CDCA7L: variants seen among roughly 807,000 people sequenced by gnomAD.
CDCA7L encodes the protein cell division cycle associated 7 like.
In CDCA7L, 44 loss-of-function variants were observed where a neutral mutation model predicts 57.4. The observed-to-expected ratio is 0.77, with a 90% confidence interval of 0.60 to 0.98. CDCA7L has a LOEUF of 0.98. Among genes scored for constraint, CDCA7L ranks in the 50% least tolerant of loss-of-function variants. CDCA7L has a pLI of 0.00. For synonymous variants in CDCA7L, 236 were observed against 202.8 expected (o/e 1.16, Z -1.39); for missense variants, 644 against 580.6 (o/e 1.11, Z -1.12).
At position 21,908,714 on chromosome 7, in the gene CDCA7L, G is replaced by A. The variant is rs1785218538; in HGVS notation, c.304-207C>T. ...ATCAGAGAGCAGGCAACCTACTACTGAACTGTGCACCATCATACCCGCGAC... is the reference window on the plus strand; with the variant it reads ...ATCAGAGAGCAGGCAACCTACTACTAAACTGTGCACCATCATACCCGCGAC... On this transcript the variant is annotated intron_variant, in intron 3 of 9. Transcript: ENST00000406877. Among the ~76,000 whole-genome samples the A allele has an allele frequency of 2.0e-5, 3 of 152,258 alleles. No individual in the cohort carries two copies. In the South Asian group the frequency reaches 6.2e-4, roughly 32 times the overall value.
intron 1 of CDCA7L, among the ~76,000 whole-genome samples, chr7:21,941,338 G>T (rs1786333519): frequency 6.6e-6 from 1 of 152,188 alleles, no homozygotes; most frequent in South Asian, 2.1e-4. Flanking sequence ...GCTAAGGAAA[G>T]CAGATTCCAA....
chr7:21,906,308 C>A lies in CDCA7L; in HGVS notation c.902G>T (p.Arg301Leu). 1 of 1,597,486 alleles carries A rather than the reference C, an allele frequency of 6.3e-7. No individual in the cohort carries two copies. Among genetic ancestry groups the A allele is most frequent in the Non-Finnish European group, 8.5e-7 (1 of 1,173,546 alleles). ...AAATACCCCAATTGTCTTCCTTCTTCGGAAGCTGTAAAACTCTTCCGCAAA... is the reference window on the plus strand; with the variant it reads ...AAATACCCCAATTGTCTTCCTTCTTAGGAAGCTGTAAAACTCTTCCGCAAA... ...AKFAEEFYSF[R>L]RRKTIGGKCR... Residue 301 changes from arginine (R) to leucine (L), a missense_variant, in exon 6 of 10, where the codon CGA becomes CTA. Coordinates refer to ENST00000406877, the MANE Select transcript of CDCA7L (RefSeq NM_018719.5).
chr7:21,932,919 T>C (rs146520267), intron 1 of CDCA7L, among the ~76,000 whole-genome samples: 1,810 of 151,174 alleles, frequency 0.012, 34 homozygotes, highest in African/African-American at 0.042. Flanking sequence ...AAAGGGCTAA[T>C]ATCCAGAATC....
chr7:21,922,790 A>C (rs1415141015), intron 1 of CDCA7L, among the ~76,000 whole-genome samples: 3 of 152,232 alleles, frequency 2.0e-5, no homozygotes, highest in Non-Finnish European at 2.9e-5. Context: ...ATAAATGGAT[A>C]AACAAAATGT....
chr7:21,907,130 A>G (rs1785167008), intron 4 of CDCA7L, among the ~76,000 whole-genome samples: 1 of 152,074 alleles, frequency 6.6e-6, no homozygotes, highest in Non-Finnish European at 1.5e-5. Context: ...AGATATTCCT[A>G]CGTGAACTAA....
chr7:21,909,058 G>A (rs941369817), intron 3 of CDCA7L, among the ~76,000 whole-genome samples: 3 of 152,172 alleles, frequency 2.0e-5, no homozygotes, highest in Non-Finnish European at 4.4e-5. Context: ...TCCCTTCTCT[G>A]GAACCCTCAG....
At chr7:21,916,958 T>G in intron 1 of CDCA7L, 64 bp from the exon 2 acceptor site, 7 of 1,584,798 alleles carry the variant, frequency 4.4e-6, no homozygotes, top group Non-Finnish European at 5.2e-6. Flanking sequence ...TAGGGACATT[T>G]TCTGGAGGGG....
chr7:21,911,525 T>C, intron 3 of CDCA7L, 92 bp downstream of exon 3: 1 of 1,421,426 alleles, frequency 7.0e-7, no homozygotes, highest in Non-Finnish European at 9.3e-7. Context: ...AAAAATCTTT[T>C]CACTTGTGAA....
At chr7:21,923,062 A>C (rs1034544677) in intron 1 of CDCA7L, among the ~76,000 whole-genome samples, 1 of 152,240 alleles carries the variant, frequency 6.6e-6, no homozygotes, top group African/African-American at 2.4e-5. Context: ...CAGCTTTCCA[A>C]GATGGAAAGA....
rs1760087659 is a variant in CDCA7L, at chr7:21,906,436, C to T, written c.774G>A (p.Arg258=). 2 of 1,610,384 alleles carry T rather than the reference C, an allele frequency of 1.2e-6. No homozygotes were observed. Among genetic ancestry groups the T allele is most frequent in the Non-Finnish European group, 1.7e-6 (2 of 1,177,884 alleles). ...GCGTGATCTGTCCCTCCGAGAAGGCCCGCCTCACTGTCTTCTTCCTCTGAA... is the reference window on the plus strand; with the variant it reads ...GCGTGATCTGTCCCTCCGAGAAGGCTCGCCTCACTGTCTTCTTCCTCTGAA... The part of the protein sequence containing the change: ...TSASRKKTVR[R]AFSEGQITRR... Residue 258 remains arginine (R), a synonymous_variant, in exon 6 of 10, where the codon CGG becomes CGA. Coordinates refer to ENST00000406877, the MANE Select transcript of CDCA7L (RefSeq NM_018719.5).
intron 4 of CDCA7L, 80 bp downstream of exon 4, chr7:21,908,050 G>A (rs980109229): frequency 1.4e-6 from 2 of 1,434,610 alleles, no homozygotes; most frequent in African/African-American, 2.9e-5. Context: ...GCAGCTGTAG[G>A]AGCAAAGTGG....
intron 1 of CDCA7L, among the ~76,000 whole-genome samples, chr7:21,928,597 A>T (rs1473918022): frequency 6.6e-6 from 1 of 152,056 alleles, no homozygotes; most frequent in East Asian, 1.9e-4. Flanking sequence ...ACCAGGTTAG[A>T]AAAGAACATA....
intron 1 of CDCA7L, among the ~76,000 whole-genome samples, chr7:21,918,563 G>A (rs185905015): frequency 9.9e-5 from 15 of 152,280 alleles, no homozygotes; most frequent in Non-Finnish European, 1.9e-4. Flanking sequence ...TGGGTCACTT[G>A]ACTGTGGAGT....
chr7:21,942,787 G>A (rs989063855), intron 1 of CDCA7L, among the ~76,000 whole-genome samples: 1 of 152,166 alleles, frequency 6.6e-6, no homozygotes, highest in Non-Finnish European at 1.5e-5. Flanking sequence ...CAACCAAGGA[G>A]CGTTTTAAAT....
At chr7:21,939,526 G>A (rs7807075) in intron 1 of CDCA7L, among the ~76,000 whole-genome samples, 86,986 of 152,032 alleles carry the variant, frequency 0.57, 25,407 homozygotes, top group Admixed American at 0.66. Flanking sequence ...AAATCACTTG[G>A]GAAGTGTGAA....
At chr7:21,907,700 C>T (rs1467455192) in intron 4 of CDCA7L, among the ~76,000 whole-genome samples, 1 of 152,118 alleles carries the variant, frequency 6.6e-6, no homozygotes, top group South Asian at 2.1e-4. Context: ...TGCTGGTCAC[C>T]ATAGAAGAGT....
Position 21,901,005 on chromosome 7 carries a change from A to G in CDCA7L, c.*1317T>C, listed in dbSNP as rs1352719525. On this transcript the variant is annotated 3_prime_UTR_variant, in exon 10 of 10. Coordinates refer to ENST00000406877, the MANE Select transcript of CDCA7L (RefSeq NM_018719.5). ...ATTGCAACCGCTGTGTTTTTGCCAT[A>G]GGCGCCCGCTGGGACACCCAAGCAG... 2.5e-6 allele frequency: 4 copies of G among 1,580,980 alleles called. No homozygotes were observed. The African/African-American group carries it at 4.1e-5, about 16-fold the overall frequency.
rs1256846966 is a variant in CDCA7L, at chr7:21,903,057, C to T, written c.1255G>A (p.Asp419Asn). Residue 419 changes from aspartate to asparagine, a missense_variant, in exon 9 of 10, where the codon GAC (aspartate) becomes AAC (asparagine). Asp to Asn is a conservative substitution (Grantham distance 23, BLOSUM62 1). Transcript: ENST00000406877. ...ICNCSYCRKR[D>N]GRCATGILIH... ...AGGATTCCTGTGGCACAGCGGCCGT[C>T]ACGCTTCCGACAGTAGCTGCAATTG... 1 of 1,613,998 alleles carries T rather than the reference C, an allele frequency of 6.2e-7. No individual in the cohort carries two copies. The highest frequency in any genetic ancestry group is 2.2e-5 in the East Asian group (1 of 44,902).
intron 8 of CDCA7L, 59 bp from the exon 9 acceptor site, chr7:21,903,173 G>A: frequency 1.9e-6 from 3 of 1,545,370 alleles, no homozygotes; most frequent in South Asian, 2.4e-5. Flanking sequence ...GGCAAGAACT[G>A]GGATTCGGAT....
Sources: allele counts gnomAD v4.1 joint callset (sites outside exome capture counted in the v4.1 genomes callset), GRCh38; gene constraint gnomAD v4.1.1; transcripts MANE v1.5; gene names NCBI Gene and HGNC (gene_info 2026-07-23, HGNC 2026-07-21).